WNT3A: variants seen among roughly 807,000 people sequenced by gnomAD.
The protein encoded by WNT3A is protein Wnt-3a.
Under a neutral mutation model 37.0 loss-of-function variants are expected in WNT3A, and 17 were observed. The observed-to-expected ratio is 0.46, with a 90% CI of 0.31 to 0.69. The LOEUF is 0.69. WNT3A is among the 30% of genes least tolerant of loss of function. The probability of loss-of-function intolerance (pLI) is 0.05; values close to 1 mark genes in which losing one functional copy is unlikely to be tolerated. For synonymous variants in WNT3A, 187 were observed against 211.0 expected, an observed-to-expected ratio of 0.89 and a Z score of 0.99; for missense variants, 411 against 510.2, an observed-to-expected ratio of 0.81 and a Z score of 1.87.
chr1:228,041,904 G>C (rs2031293442), intron 2 of WNT3A, among the ~76,000 whole-genome samples: 1 of 152,146 alleles, frequency 6.6e-6, no homozygotes, highest in South Asian at 2.1e-4. Flanking sequence ...ATTATCACCA[G>C]GACAGGAACT....
rs2031754351 is a variant in WNT3A at position 228,059,625 on chromosome 1, T to A, written c.*160T>A. The A allele has an allele frequency of 7.2e-7, 1 of 1,381,004 alleles. No homozygotes were observed. Among genetic ancestry groups the A allele is most frequent in the Non-Finnish European group, 9.3e-7 (1 of 1,074,654 alleles). The allele number at this position is 1,381,004 out of a possible 1,614,324, so 85.5% of individuals were successfully genotyped here. ...CCTACCTGGGGGCAGAACTCCTACC[T>A]GAAGGCAGGGCTCCTCCCTGGAGCT... On this transcript the variant is annotated 3_prime_UTR_variant, in exon 4 of 4. Transcript: ENST00000284523.
Position 228,038,933 on chromosome 1 carries a change from T to C in WNT3A, c.314-11723T>C, listed in dbSNP as rs564644576. 6.6e-6 allele frequency among the ~76,000 whole-genome samples: 1 copy of C among 152,126 alleles called. No homozygotes were observed. Among genetic ancestry groups the C allele is most frequent in the East Asian group, 1.9e-4 (1 of 5,168 alleles). ...GGGTGCACTTGGGGGACAGAGGGCA[T>C]TTTTTTGTCACAGTGGAGGTGAGAA... On this transcript the variant is annotated intron_variant, in intron 2 of 3. Transcript: ENST00000284523. This position sits in a 1 kb window ranked among gnomAD's most constrained non-coding sequence, Gnocchi z 5.7.
At chr1:228,036,536 T>G (rs2031149473) in intron 2 of WNT3A, among the ~76,000 whole-genome samples, 1 of 152,130 alleles carries the variant, frequency 6.6e-6, no homozygotes, top group Non-Finnish European at 1.5e-5. Flanking sequence ...CCTTGGAACA[T>G]GGGGCTCTGT....
intron 3 of WNT3A, among the ~76,000 whole-genome samples, chr1:228,058,687 A>G (rs752783112): frequency 2.6e-5 from 4 of 152,074 alleles, no homozygotes; most frequent in Non-Finnish European, 5.9e-5. Flanking sequence ...ATGGCATCCC[A>G]CGCTGCAGCT....
At chr1:228,045,038 C>T (rs1303374246) in intron 2 of WNT3A, among the ~76,000 whole-genome samples, 1 of 152,364 alleles carries the variant, frequency 6.6e-6, no homozygotes, top group South Asian at 2.1e-4. Context: ...CAGCTGGTGA[C>T]CAAACTGAGC....
intron 3 of WNT3A, among the ~76,000 whole-genome samples, chr1:228,054,627 CA>C (rs61497242): frequency 0.17 from 9,834 of 58,570 alleles, 214 homozygotes; most frequent in South Asian, 0.19. Context: ...GACTCTGTCT[CA>C]AAAAAAAAAA....
chr1:228,010,342 C>T (rs539404371), intron 1 of WNT3A, among the ~76,000 whole-genome samples: 1 of 152,354 alleles, frequency 6.6e-6, no homozygotes, highest in East Asian at 1.9e-4. Flanking sequence ...CCGCCACCGC[C>T]TCCCCAGGGT....
chr1:228,023,009 G>A, intron 2 of WNT3A, 101 bp downstream of exon 2: 1 of 1,501,784 alleles, frequency 6.7e-7, no homozygotes. Context: ...GGTGGGAACA[G>A]TGCCTCACGC....
At position 228,008,711 on chromosome 1, in the gene WNT3A, G is replaced by T. The variant is rs967260367; in HGVS notation, c.71+1512G>T. Among the ~76,000 whole-genome samples the T allele has an allele frequency of 1.2e-4, 18 of 152,170 alleles. No individual in the cohort carries two copies. The highest frequency in any genetic ancestry group is 1.1e-3 in the Admixed American group (17 of 15,286). On this transcript the variant is annotated intron_variant, in intron 1 of 3. Transcript: ENST00000284523. This position sits in a 1 kb window ranked among gnomAD's most constrained non-coding sequence, Gnocchi z 4.9. The stretch of plus-strand genomic sequence containing the variant: ...CGAGGGCTGCCGGCTTACGCACCAG[G>T]CTTCTAATTAGAACCCGCCGCCGCG...
At chr1:228,011,625 G>A (rs1389123957) in intron 1 of WNT3A, among the ~76,000 whole-genome samples, 1 of 152,066 alleles carries the variant, frequency 6.6e-6, no homozygotes, top group East Asian at 1.9e-4. Flanking sequence ...CTCTCTGCCT[G>A]TTTCTGTCAC....
intron 2 of WNT3A, among the ~76,000 whole-genome samples, chr1:228,035,843 T>A (rs2102771230): frequency 6.6e-6 from 1 of 152,244 alleles, no homozygotes; most frequent in Non-Finnish European, 1.5e-5. Flanking sequence ...CCTCTCCTTC[T>A]CCGCTTCTCT....
chr1:228,017,036 T>A (rs1376665530), intron 1 of WNT3A, among the ~76,000 whole-genome samples: 1 of 152,194 alleles, frequency 6.6e-6, no homozygotes, highest in East Asian at 1.9e-4. Flanking sequence ...ATCAACACAT[T>A]TGAAGGGCAT....
rs2031775941 is a variant in WNT3A, at chr1:228,060,273, C to T, written c.*808C>T. ...CCCCAACCCCCTGTAAGGTTCCATC[C>T]ACCCCTGCGTCGAGCTGGGAAGGTT... On this transcript the variant is annotated 3_prime_UTR_variant, in exon 4 of 4. Coordinates refer to ENST00000284523, the MANE Select transcript of WNT3A (RefSeq NM_033131.4). 2 of 1,351,694 alleles carry T rather than the reference C, an allele frequency of 1.5e-6. No individual in the cohort carries two copies. Among genetic ancestry groups the T allele is most frequent in the African/African-American group, 2.9e-5 (2 of 67,818 alleles). 83.7% of individuals were successfully genotyped at this position (1,351,694 alleles called of 1,614,324 possible).
chr1:228,012,465 G>A (rs1207256567), intron 1 of WNT3A, among the ~76,000 whole-genome samples: 2 of 152,136 alleles, frequency 1.3e-5, no homozygotes, highest in South Asian at 2.1e-4. Context: ...AACCAACCAC[G>A]TCCCTCTGTT....
chr1:228,045,606 C>T (rs546993403), intron 2 of WNT3A, among the ~76,000 whole-genome samples: 1 of 152,180 alleles, frequency 6.6e-6, no homozygotes, highest in Admixed American at 6.5e-5. Flanking sequence ...TGTATTCACT[C>T]AGAGGCAGTG....
At chr1:228,018,817 C>G (rs573126967) in intron 1 of WNT3A, among the ~76,000 whole-genome samples, 23 of 152,332 alleles carry the variant, frequency 1.5e-4, no homozygotes, top group African/African-American at 5.5e-4. Flanking sequence ...CTCCCCGCTG[C>G]CTGCCAGCTT....
intron 2 of WNT3A, among the ~76,000 whole-genome samples, chr1:228,040,971 T>TA (rs2031269200): frequency 7.2e-6 from 1 of 138,144 alleles, no homozygotes; most frequent in Admixed American, 7.3e-5. Flanking sequence ...GGTAGATATT[T>TA]TATATATATA....
Position 228,050,087 on chromosome 1 carries a change from T to C in WNT3A, c.314-569T>C, listed in dbSNP as rs2031509914. ...AGCCACCTTGCCAGCTGTATGTTTT[T>C]TAAGACAGGGCTGGAGTGCAGTGGT... is the stretch of plus-strand genomic sequence containing the variant. On this transcript the variant is annotated intron_variant, in intron 2 of 3. Coordinates refer to ENST00000284523, the MANE Select transcript of WNT3A (RefSeq NM_033131.4). This position sits in a 1 kb window ranked among gnomAD's most constrained non-coding sequence, Gnocchi z 5.0. Among the ~76,000 whole-genome samples, 1 of 152,056 alleles carries C rather than the reference T, an allele frequency of 6.6e-6. No individual in the cohort carries two copies. The highest frequency in any genetic ancestry group is 2.4e-5 in the African/African-American group (1 of 41,394).
At chr1:228,027,770 T>C (rs1463874163) in intron 2 of WNT3A, among the ~76,000 whole-genome samples, 1 of 152,266 alleles carries the variant, frequency 6.6e-6, no homozygotes, top group Non-Finnish European at 1.5e-5. Flanking sequence ...AGAAGCTTTT[T>C]AATTCAATTA....
Sources: gnomAD v4.1 joint callset for allele counts (sites outside exome capture counted in the v4.1 genomes callset) on GRCh38, gnomAD v4.1.1 for gene constraint, Gnocchi (gnomAD v3.1) non-coding constraint, MANE v1.5 for transcripts, NCBI Gene and HGNC (gene_info 2026-07-23, HGNC 2026-07-21) for gene names.